The following ZFHX3 variants were observed in gnomAD, a reference collection of about 807,000 sequenced individuals.
ZFHX3 encodes zinc finger homeobox protein 3.
In ZFHX3, 42 loss-of-function variants were observed where a neutral mutation model predicts 279.1. The observed-to-expected ratio is 0.15, with a 90% CI of 0.12 to 0.19. The LOEUF (loss-of-function observed/expected upper bound fraction) is 0.19. Ranked by LOEUF, ZFHX3 falls within the 10% of genes least tolerant of loss-of-function variation. The pLI, the probability that ZFHX3 is intolerant of heterozygous loss-of-function variation, is 1.00. For missense variants in ZFHX3, 4,981 were observed against 4,754.0 expected, an observed-to-expected ratio of 1.05 and a Z score of -1.40; for synonymous variants, 2,293 against 1,957.8, an observed-to-expected ratio of 1.17 and a Z score of -4.52.
chr16:73,437,747 G>A (rs1242284532), intron 3 of ZFHX3, among the ~76,000 whole-genome samples: 1 of 152,118 alleles, frequency 6.6e-6, no homozygotes, highest in East Asian at 1.9e-4. Flanking sequence ...AGTATGTGGA[G>A]GCTAAAACTG....
chr16:73,587,483 C>G (rs992825547), intron 2 of ZFHX3, among the ~76,000 whole-genome samples: 2 of 152,156 alleles, frequency 1.3e-5, no homozygotes, highest in Non-Finnish European at 2.9e-5. Context: ...ATTTAAGCAA[C>G]AGAAATTGAA....
chr16:73,748,964 A>G lies in ZFHX3; in HGVS notation c.-1607-68724T>C, dbSNP rs139460440. Among the ~76,000 whole-genome samples the G allele has an allele frequency of 6.5e-3, 981 of 151,694 alleles. 12 individuals carry two copies. The highest frequency in any genetic ancestry group is 0.022 in the African/African-American group (910 of 41,346). On this transcript the variant is annotated intron_variant, in intron 1 of 17. Coordinates refer to the ZFHX3 transcript ENST00000641206. The stretch of plus-strand genomic sequence containing the variant: ...CACCACACCTGACTAATTTTTGTAC[A>G]TTTAGTAGAGACAGGGTTTCACCAT...
At chr16:73,780,637 T>C (rs1597112361) in intron 1 of ZFHX3, among the ~76,000 whole-genome samples, 1 of 152,146 alleles carries the variant, frequency 6.6e-6, no homozygotes, top group Admixed American at 6.5e-5. Context: ...AGACGAGGTT[T>C]CGCCATGTTA....
chr16:73,833,969 G>C (rs890224233), intron 1 of ZFHX3, among the ~76,000 whole-genome samples: 1 of 151,850 alleles, frequency 6.6e-6, no homozygotes, highest in Admixed American at 6.6e-5. Context: ...GTTTGAAAAA[G>C]GATGAAGAAA....
intron 5 of ZFHX3, among the ~76,000 whole-genome samples, chr16:73,157,045 G>A (rs568114264): frequency 1.4e-4 from 21 of 151,816 alleles, no homozygotes; most frequent in Admixed American, 8.5e-4. Flanking sequence ...TTGTAGAGAC[G>A]AGTTCTCACT....
At chr16:73,564,808 A>C (rs112734737) in intron 2 of ZFHX3, among the ~76,000 whole-genome samples, 2,381 of 152,306 alleles carry the variant, frequency 0.016, 60 homozygotes, top group African/African-American at 0.055. Context: ...AATTTTCCAA[A>C]ATGCTGTCAT....
intron 3 of ZFHX3, among the ~76,000 whole-genome samples, chr16:72,943,397 G>A (rs1354699081): frequency 6.6e-6 from 1 of 152,088 alleles, no homozygotes; most frequent in Non-Finnish European, 1.5e-5. Context: ...AGCGGGTGTG[G>A]TAGTGGGCAC....
At chr16:73,772,379 A>G (rs922412081) in intron 1 of ZFHX3, among the ~76,000 whole-genome samples, 1 of 152,210 alleles carries the variant, frequency 6.6e-6, no homozygotes, top group African/African-American at 2.4e-5. Flanking sequence ...ACTCCCCCTC[A>G]TAAAACCATC....
At chr16:73,492,318 C>T (rs1356570351) in intron 2 of ZFHX3, among the ~76,000 whole-genome samples, 1 of 152,156 alleles carries the variant, frequency 6.6e-6, no homozygotes, top group Non-Finnish European at 1.5e-5. Flanking sequence ...TTAGCTCCCA[C>T]AAGACTTCGG....
intron 5 of ZFHX3, among the ~76,000 whole-genome samples, chr16:73,235,397 T>G (rs2012911808): frequency 6.6e-6 from 1 of 152,182 alleles, no homozygotes; most frequent in African/African-American, 2.4e-5. Context: ...TTTCTTTATT[T>G]TAACCACTCT....
Position 72,798,276 on chromosome 16 carries a change from G to A in ZFHX3, c.4406C>T (p.Ala1469Val), listed in dbSNP as rs371424734. ...TCCCATTGCCAGGAGGTCCCCATTG[G>A]CCAGCAGGCCACCATAAAGCTGTTG... is the stretch of plus-strand genomic sequence containing the variant. ...DIQQLYGGLL[A>V]NGDLLAMGDP... Residue 1469 changes from alanine (A) to valine (V), a missense_variant, in exon 9 of 10, where the codon GCC (alanine) becomes GTC (valine). Ala to Val is a moderately conservative substitution (Grantham distance 64, BLOSUM62 0). Coordinates refer to ENST00000268489, the MANE Select transcript of ZFHX3 (RefSeq NM_006885.4). 1.2e-6 allele frequency: 2 copies of A among 1,614,038 alleles called. No individual in the cohort carries two copies. Among genetic ancestry groups the A allele is most frequent in the African/African-American group, 1.3e-5 (1 of 74,918 alleles).
chr16:73,584,402 G>C (rs1597011955), intron 2 of ZFHX3, among the ~76,000 whole-genome samples: 1 of 152,314 alleles, frequency 6.6e-6, no homozygotes, highest in African/African-American at 2.4e-5. Context: ...TGTATCTTTA[G>C]AGGAGAAACA....
At chr16:73,509,805 C>T (rs1218061715) in intron 2 of ZFHX3, among the ~76,000 whole-genome samples, 1 of 151,638 alleles carries the variant, frequency 6.6e-6, no homozygotes, top group Non-Finnish European at 1.5e-5. Context: ...AAGCAATTCT[C>T]CTGCCTCAGC....
intron 4 of ZFHX3, among the ~76,000 whole-genome samples, chr16:72,879,072 G>T (rs1222361938): frequency 2.0e-5 from 3 of 152,196 alleles, no homozygotes; most frequent in Non-Finnish European, 4.4e-5. Context: ...ATGGGAAGCA[G>T]GATGTGACTT....
At chr16:73,075,244 T>C (rs1965873992) in intron 8 of ZFHX3, among the ~76,000 whole-genome samples, 1 of 151,900 alleles carries the variant, frequency 6.6e-6, no homozygotes, top group Admixed American at 6.6e-5. Context: ...AGCCCAGGAA[T>C]TTGAGGCTGC....
chr16:73,845,751 A>G (rs1961435017), intron 1 of ZFHX3, among the ~76,000 whole-genome samples: 1 of 152,202 alleles, frequency 6.6e-6, no homozygotes, highest in Admixed American at 6.5e-5. Context: ...TTCTCAATCC[A>G]TGAAGTAAGG....
At chr16:73,693,349 C>G (rs2053166551) in intron 1 of ZFHX3, among the ~76,000 whole-genome samples, 1 of 151,960 alleles carries the variant, frequency 6.6e-6, no homozygotes, top group African/African-American at 2.4e-5. Context: ...AAACAATGCG[C>G]CTGACCTATT....
intron 4 of ZFHX3, among the ~76,000 whole-genome samples, chr16:72,878,239 G>C (rs767392316): frequency 2.0e-5 from 3 of 152,144 alleles, no homozygotes; most frequent in African/African-American, 4.8e-5. Context: ...CAAAAGTCCA[G>C]CTGACATCTA....
At chr16:73,303,388 C>T (rs944563191) in intron 4 of ZFHX3, among the ~76,000 whole-genome samples, 1 of 152,162 alleles carries the variant, frequency 6.6e-6, no homozygotes, top group African/African-American at 2.4e-5. Context: ...AGAGAAGGCT[C>T]ATTTCAATGT....
Sources: allele counts gnomAD v4.1 joint callset (sites outside exome capture counted in the v4.1 genomes callset), GRCh38; gene constraint gnomAD v4.1.1; transcripts MANE v1.5; gene names NCBI Gene and HGNC (gene_info 2026-07-23, HGNC 2026-07-21).